ASTN2: variants seen among roughly 807,000 people sequenced by gnomAD.
ASTN2 encodes astrotactin 2, also known as astrotactin-2.
Under a neutral mutation model 139.8 loss-of-function variants are expected in ASTN2, and 54 were observed. That is an observed-to-expected ratio of 0.39 (90% CI 0.31 to 0.48). ASTN2 has a LOEUF of 0.48. Ranked by LOEUF, ASTN2 falls within the 20% of genes least tolerant of loss-of-function variation. The pLI is 0.95. For synonymous variants in ASTN2, 756 were observed against 719.5 expected, an observed-to-expected ratio of 1.05 and a Z score of -0.81; for missense variants, 1,565 against 1,725.1, an observed-to-expected ratio of 0.91 and a Z score of 1.64.
At chr9:117,004,243 T>C (rs1447733819) in intron 7 of ASTN2, among the ~76,000 whole-genome samples, 4 of 152,032 alleles carry the variant, frequency 2.6e-5, no homozygotes, top group Non-Finnish European at 5.9e-5. Flanking sequence ...CCTCAGCTTC[T>C]AGAGTAGCTG....
intron 2 of ASTN2, among the ~76,000 whole-genome samples, chr9:117,280,070 T>G (rs556197644): frequency 1.3e-5 from 2 of 152,198 alleles, no homozygotes; most frequent in Non-Finnish European, 2.9e-5. Context: ...CTGTTTTCCT[T>G]GTTGTTGTTT....
At chr9:117,349,008 T>C (rs918589501) in intron 1 of ASTN2, among the ~76,000 whole-genome samples, 1 of 152,294 alleles carries the variant, frequency 6.6e-6, no homozygotes, top group African/African-American at 2.4e-5. Flanking sequence ...GAGTTGTCTT[T>C]TTATGGATTT....
chr9:116,540,129 C>A (rs902249355), intron 19 of ASTN2, among the ~76,000 whole-genome samples: 1 of 152,172 alleles, frequency 6.6e-6, no homozygotes, highest in Non-Finnish European at 1.5e-5. Context: ...TGGCTGTATT[C>A]TTTACCTTCT....
intron 2 of ASTN2, among the ~76,000 whole-genome samples, chr9:117,258,460 T>C (rs768765391): frequency 2.6e-5 from 4 of 152,200 alleles, no homozygotes; most frequent in Non-Finnish European, 4.4e-5. Context: ...CTGATTATTG[T>C]CTGTGTGACA....
At chr9:116,900,227 A>T (rs1833973280) in intron 10 of ASTN2, among the ~76,000 whole-genome samples, 1 of 152,216 alleles carries the variant, frequency 6.6e-6, no homozygotes, top group Non-Finnish European at 1.5e-5. Flanking sequence ...GACAATCATG[A>T]TGATGATAGT....
At chr9:117,134,866 T>C (rs879417255) in intron 4 of ASTN2, among the ~76,000 whole-genome samples, 1 of 152,120 alleles carries the variant, frequency 6.6e-6, no homozygotes, top group African/African-American at 2.4e-5. Context: ...ACTAAAAACA[T>C]TGAGAGTGGA....
chr9:117,292,581 C>A (rs1240003638), intron 1 of ASTN2, among the ~76,000 whole-genome samples: 4 of 152,118 alleles, frequency 2.6e-5, no homozygotes, highest in African/African-American at 9.7e-5. Flanking sequence ...TTATAATGTC[C>A]ATCAGTAGAC....
chr9:117,020,723 G>C (rs1837855650), intron 6 of ASTN2, among the ~76,000 whole-genome samples: 1 of 152,124 alleles, frequency 6.6e-6, no homozygotes, highest in Non-Finnish European at 1.5e-5. Context: ...GAGAGAGTGA[G>C]TTTTCTAAGG....
chr9:117,233,732 G>A (rs551486346), intron 2 of ASTN2, among the ~76,000 whole-genome samples: 1 of 152,120 alleles, frequency 6.6e-6, no homozygotes, highest in South Asian at 2.1e-4. Context: ...ATGGCAGAGT[G>A]GTGATCACTG....
At chr9:116,761,455 G>A (rs1829670646) in intron 13 of ASTN2, among the ~76,000 whole-genome samples, 1 of 152,178 alleles carries the variant, frequency 6.6e-6, no homozygotes, top group South Asian at 2.1e-4. Context: ...GCCTTTCACG[G>A]AAAGAGGTGT....
intron 11 of ASTN2, among the ~76,000 whole-genome samples, chr9:116,848,745 T>A (rs1380488341): frequency 6.6e-6 from 1 of 152,160 alleles, no homozygotes; most frequent in Non-Finnish European, 1.5e-5. Flanking sequence ...CCAAGAAGTG[T>A]GTGGCAATTT....
intron 5 of ASTN2, among the ~76,000 whole-genome samples, chr9:117,047,210 CTT>C (rs1293510492): frequency 6.6e-6 from 1 of 152,198 alleles, no homozygotes; most frequent in Non-Finnish European, 1.5e-5. Flanking sequence ...TAAACTGGGG[CTT>C]TCTCAGAAAC....
chr9:116,704,918 G>A (rs1827952693), intron 16 of ASTN2, among the ~76,000 whole-genome samples: 1 of 152,020 alleles, frequency 6.6e-6, no homozygotes, highest in Non-Finnish European at 1.5e-5. Flanking sequence ...ATACATCTAA[G>A]TATATACACA....
At chr9:116,492,522 C>T (rs2119106256) in intron 19 of ASTN2, among the ~76,000 whole-genome samples, 1 of 152,300 alleles carries the variant, frequency 6.6e-6, no homozygotes, top group East Asian at 1.9e-4. Context: ...CCCATACACT[C>T]AACAGGAGGA....
intron 1 of ASTN2, among the ~76,000 whole-genome samples, chr9:117,339,853 T>C (rs1022799085): frequency 5.4e-5 from 8 of 149,384 alleles, no homozygotes; most frequent in Non-Finnish European, 1.2e-4. Flanking sequence ...GCTAATCAAA[T>C]ATTTATGGAT....
intron 20 of ASTN2, among the ~76,000 whole-genome samples, chr9:116,459,715 C>T (rs1237287516): frequency 1.3e-5 from 2 of 151,834 alleles, no homozygotes; most frequent in Admixed American, 6.6e-5. Context: ...CACTTCATAC[C>T]CACTAAAATA....
Position 117,414,080 on chromosome 9 carries a change from G to C in ASTN2, c.442+417C>G, listed in dbSNP as rs1049069625. Among the ~76,000 whole-genome samples, 3 of 152,180 alleles carry C rather than the reference G, an allele frequency of 2.0e-5. No individual in the cohort carries two copies. Among genetic ancestry groups the C allele is most frequent in the Non-Finnish European group, 4.4e-5 (3 of 68,034 alleles). ...ACCCGCAACTCCGAGGCGAGAGCGA[G>C]GGGGCGGTGACGGCGGGTGGCCAGT... On this transcript the variant is annotated intron_variant, in intron 1 of 22. Coordinates refer to ENST00000313400, the MANE Select transcript of ASTN2 (RefSeq NM_001365068.1). The surrounding 1 kb of genome is among the most constrained non-coding windows in gnomAD (Gnocchi z 4.2).
intron 5 of ASTN2, among the ~76,000 whole-genome samples, chr9:117,059,674 A>G (rs10759892): frequency 0.26 from 39,718 of 151,730 alleles, 5,395 homozygotes; most frequent in South Asian, 0.39. Flanking sequence ...CAACAAAAAA[A>G]CACAGACTAA....
chr9:117,241,933 C>A (rs551098294), intron 2 of ASTN2, among the ~76,000 whole-genome samples: 1,648 of 147,294 alleles, frequency 0.011, 50 homozygotes, highest in African/African-American at 0.039. Context: ...TACCCCCCCC[C>A]ACACACACAC....
Sources: gnomAD v4.1 joint callset for allele counts (sites outside exome capture counted in the v4.1 genomes callset) on GRCh38, gnomAD v4.1.1 for gene constraint, Gnocchi (gnomAD v3.1) non-coding constraint, MANE v1.5 for transcripts, NCBI Gene and HGNC (gene_info 2026-07-23, HGNC 2026-07-21) for gene names.